Variants in ZNF81 observed in about 807,000 individuals in gnomAD.
ZNF81 encodes zinc finger protein 81 (HFZ20).
A neutral mutation model predicts 32.3 loss-of-function variants in ZNF81; 5 were observed. The observed-to-expected ratio is 0.15, with a 90% confidence interval of 0.08 to 0.33. ZNF81 has a LOEUF of 0.33. ZNF81 is among the 10% of genes least tolerant of loss of function. The pLI is 1.00. For synonymous variants in ZNF81, 163 were observed against 166.8 expected, an observed-to-expected ratio of 0.98 and a Z score of 0.17; for missense variants, 379 against 479.8, an observed-to-expected ratio of 0.79 and a Z score of 1.96.
chrX:47,893,783 A>T (rs1409139069), intron 3 of ZNF81, among the ~76,000 whole-genome samples: 2 of 85,776 alleles, frequency 2.3e-5, no homozygotes, highest in Admixed American at 2.9e-4. Context: ...TGACAGAGTG[A>T]GACTCTGTCT....
At chrX:47,848,502 T>G (rs993484979) in intron 2 of ZNF81, among the ~76,000 whole-genome samples, 1 of 111,762 alleles carries the variant, frequency 8.9e-6, no homozygotes, top group African/African-American at 3.2e-5. Context: ...AATATTCCCG[T>G]GCTATTTTTG....
chrX:47,837,739 T>C (rs2058431194), intron 1 of ZNF81, among the ~76,000 whole-genome samples: 1 of 112,618 alleles, frequency 8.9e-6, no homozygotes, highest in African/African-American at 3.2e-5. Flanking sequence ...CCTCTGCCAG[T>C]ACTACCTTGC....
chrX:47,873,136 A>G (rs979432162), intron 2 of ZNF81, among the ~76,000 whole-genome samples: 1 of 111,827 alleles, frequency 8.9e-6, no homozygotes, highest in Non-Finnish European at 1.9e-5. Flanking sequence ...TCTCTCTTCA[A>G]TAGCTTTACA....
chrX:47,841,862 C>T (rs924178281), intron 1 of ZNF81, among the ~76,000 whole-genome samples: 8 of 110,963 alleles, frequency 7.2e-5, no homozygotes, highest in Admixed American at 1.9e-4. Flanking sequence ...TACTTCCTTC[C>T]GCTTAGTTTG....
At chrX:47,890,194 C>T (rs375788532) in intron 3 of ZNF81, among the ~76,000 whole-genome samples, 84 of 110,942 alleles carry the variant, frequency 7.6e-4, no homozygotes, top group African/African-American at 2.7e-3. Flanking sequence ...CTGCTGCTGG[C>T]CTTATACCAT....
intron 3 of ZNF81, among the ~76,000 whole-genome samples, chrX:47,889,647 G>A (rs1350888123): frequency 6.2e-5 from 7 of 112,189 alleles, no homozygotes; most frequent in Admixed American, 1.9e-4. Flanking sequence ...GCCTGAGACT[G>A]GGTAATTTAT....
At chrX:47,850,924 C>T (rs1416414774) in intron 2 of ZNF81, among the ~76,000 whole-genome samples, 1 of 48,838 alleles carries the variant, frequency 2.0e-5, no homozygotes, top group Non-Finnish European at 5.3e-5. Flanking sequence ...CACACACACA[C>T]ACACACACAC....
At chrX:47,882,480 G>T (rs2058624838) in intron 2 of ZNF81, among the ~76,000 whole-genome samples, 1 of 112,006 alleles carries the variant, frequency 8.9e-6, no homozygotes. Context: ...TTTTGTTGCT[G>T]AGTATTCCAT....
intron 2 of ZNF81, among the ~76,000 whole-genome samples, chrX:47,875,012 G>A (rs2058594303): frequency 9.2e-6 from 1 of 109,254 alleles, no homozygotes; most frequent in African/African-American, 3.4e-5. Context: ...CTCTTTGCAG[G>A]GAAACCCCCT....
At chrX:47,856,749 A>C (rs1225116394) in intron 2 of ZNF81, among the ~76,000 whole-genome samples, 1 of 111,399 alleles carries the variant, frequency 9.0e-6, no homozygotes, top group Non-Finnish European at 1.9e-5. Flanking sequence ...TTTCTAGACC[A>C]GCCTGGCCAA....
At position 47,918,948 on chromosome X, in the gene ZNF81, A is replaced by G. The variant is rs2058766664; in HGVS notation, c.*2316A>G. 4.0e-6 allele frequency: 1 copy of G among 248,204 alleles called. No homozygotes were observed. The highest frequency in any genetic ancestry group is 5.3e-5 in the Admixed American group (1 of 18,890). 20.5% of individuals were successfully genotyped at this position (248,204 alleles called of 1,213,427 possible). A position where few individuals can be genotyped will look rare whatever the true frequency, so the allele number is the denominator to read the frequency against. The stretch of plus-strand genomic sequence containing the variant: ...TATCCTGTACCTATCCCACCATTGT[A>G]TATATTGGGTGTATGTTGGGGGGCA... On this transcript the variant is annotated 3_prime_UTR_variant, in exon 5 of 5. Coordinates refer to ENST00000338637, the MANE Select transcript of ZNF81 (RefSeq NM_007137.5).
At chrX:47,844,675 A>AT (rs1429540983) in intron 1 of ZNF81, among the ~76,000 whole-genome samples, 1 of 112,163 alleles carries the variant, frequency 8.9e-6, no homozygotes, top group Non-Finnish European at 1.9e-5. Flanking sequence ...GTTTTTAAAA[A>AT]TTTCTCTTGC....
intron 2 of ZNF81, among the ~76,000 whole-genome samples, chrX:47,870,061 G>A (rs1437018786): frequency 9.0e-6 from 1 of 111,319 alleles, no homozygotes; most frequent in Non-Finnish European, 1.9e-5. Context: ...GGTGAGCGAC[G>A]GCCTGTCTTT....
intron 4 of ZNF81, among the ~76,000 whole-genome samples, chrX:47,908,899 G>A (rs782181541): frequency 2.1e-4 from 24 of 111,643 alleles, no homozygotes; most frequent in Non-Finnish European, 4.3e-4. Context: ...GGTGGTTACC[G>A]CTGAGAGTCA....
Position 47,915,835 on chromosome X carries a change from C to T in ZNF81, c.1189C>T (p.Leu397=). The change falls in exon 5 of 5, where the codon CTG becomes TTG. Residue 397 remains leucine (L), a synonymous_variant. Coordinates refer to ENST00000338637, the MANE Select transcript of ZNF81 (RefSeq NM_007137.5). ...ECSECGKGFS[L]NSALNIHQKI... ...CAGTGAATGTGGTAAAGGCTTCTCC[C>T]TGAACTCAGCCCTCAATATACATCA... 4.1e-6 allele frequency: 5 copies of T among 1,210,925 alleles called. No homozygotes were observed. The highest frequency in any genetic ancestry group is 5.6e-6 in the Non-Finnish European group (5 of 895,230).
intron 2 of ZNF81, among the ~76,000 whole-genome samples, chrX:47,872,001 A>G (rs184053721): frequency 2.4e-4 from 27 of 112,601 alleles, no homozygotes; most frequent in African/African-American, 8.4e-4. Context: ...GGGAGAGACC[A>G]TAGCGAATCT....
chrX:47,841,796 ATTTT>A (rs1174906665), intron 1 of ZNF81: 1 of 367,166 alleles, frequency 2.7e-6, no homozygotes, highest in Non-Finnish European at 4.6e-6. Flanking sequence ...GGATTTATTT[ATTTT>A]TTCTATTGTT....
chrX:47,860,448 T>G (rs2058535483), intron 2 of ZNF81, among the ~76,000 whole-genome samples: 1 of 109,808 alleles, frequency 9.1e-6, no homozygotes, highest in South Asian at 4.0e-4. Flanking sequence ...CTGGATAGCT[T>G]CAGGAGTGGG....
In ZNF81 at chrX:47,839,902, A is replaced by G. The variant is rs782142644; in HGVS notation, c.-164+2915A>G. 3.0e-5 allele frequency among the ~76,000 whole-genome samples: 3 copies of G among 100,103 alleles called. No individual in the cohort carries two copies. The East Asian group carries it at 1.0e-3, about 34-fold the overall frequency. 86.9% of individuals were successfully genotyped at this position (100,103 alleles called of 115,157 possible). A position where few individuals can be genotyped will look rare whatever the true frequency, so the allele number is the denominator to read the frequency against. On this transcript the variant is annotated intron_variant, in intron 1 of 4. Transcript: ENST00000338637. ...GAATGCAGCCCAACACAAATTCGTA[A>G]ACTTTCTTAAAATATTGTGAGTTTT...
Sources: allele counts gnomAD v4.1 joint callset (sites outside exome capture counted in the v4.1 genomes callset), GRCh38; gene constraint gnomAD v4.1.1; transcripts MANE v1.5; gene names NCBI Gene and HGNC (gene_info 2026-07-23, HGNC 2026-07-21).